AP2A1: variants seen among roughly 807,000 people sequenced by gnomAD.
AP2A1 encodes the protein AP-2 complex subunit alpha-1.
AP2A1 carries 21 observed loss-of-function variants against 107.3 expected under a neutral mutation model. The observed-to-expected ratio is 0.20, with a 90% CI of 0.14 to 0.28. The LOEUF (loss-of-function observed/expected upper bound fraction) is 0.28, where lower values mean the gene tolerates loss of function less well. AP2A1 is among the 10% of genes least tolerant of loss of function. The pLI, the probability that AP2A1 is intolerant of heterozygous loss-of-function variation, is 1.00. For missense variants in AP2A1, 873 were observed against 1,307.7 expected (o/e 0.67, Z 5.13); for synonymous variants, 602 against 564.8 (o/e 1.07, Z -0.93).
Position 49,787,347 on chromosome 19 carries a change from G to GTTTTTTTTT in AP2A1, c.474-4582_474-4581insTTTTTTTTT, listed in dbSNP as rs199550216. On this transcript the variant is annotated intron_variant, in intron 4 of 22. Transcript: ENST00000354293. ...TAGGCTTTTTTTGTTTGTTTTTTTT[G>GTTTTTTTTT]TTTTTTGTTTTTTTTTTTTTGAGGC... is the stretch of plus-strand genomic sequence containing the variant. 1.2e-3 allele frequency among the ~76,000 whole-genome samples: 111 copies of GTTTTTTTTT among 96,184 alleles called. 2 individuals are homozygous for GTTTTTTTTT. The highest frequency in any genetic ancestry group is 2.9e-3 in the African/African-American group (65 of 22,476). 63.1% of individuals were successfully genotyped at this position (96,184 alleles called of 152,430 possible).
chr19:49,806,108 C>A lies in AP2A1; in HGVS notation c.2656-11C>A, dbSNP rs369111617. 11 of 1,567,692 alleles carry A rather than the reference C, an allele frequency of 7.0e-6. No individual in the cohort carries two copies. Among genetic ancestry groups the A allele is most frequent in the South Asian group, 4.6e-5 (4 of 86,562 alleles). On this transcript the variant is annotated splice_polypyrimidine_tract_variant and intron_variant, in intron 21 of 22. Transcript: ENST00000354293. ...TCTGGCACACTCTGACGGCGCCCCCCCTCCTCCCAGCTTCTGGGGTTTGGC... is the reference window on the plus strand; with the variant it reads ...TCTGGCACACTCTGACGGCGCCCCCACTCCTCCCAGCTTCTGGGGTTTGGC...
chr19:49,784,944 A>G (rs2084719733), intron 4 of AP2A1, among the ~76,000 whole-genome samples: 2 of 152,230 alleles, frequency 1.3e-5, no homozygotes, highest in Non-Finnish European at 2.9e-5. Context: ...TTTAGTTAGC[A>G]GAGTAGGCAC....
chr19:49,781,041 T>C (rs2084669194), intron 1 of AP2A1, among the ~76,000 whole-genome samples: 1 of 151,888 alleles, frequency 6.6e-6, no homozygotes. Context: ...TCCAGTCGGA[T>C]TGTGCTCTGA....
intron 1 of AP2A1, among the ~76,000 whole-genome samples, chr19:49,774,849 G>T (rs937337919): frequency 6.6e-6 from 1 of 151,702 alleles, no homozygotes; most frequent in African/African-American, 2.4e-5. Flanking sequence ...AACCCAGGAG[G>T]TGGAGGTTGC....
Position 49,801,990 on chromosome 19 carries a change from TCGC to T in AP2A1, c.1965_1967del (p.Pro656del). The T allele has an allele frequency of 6.6e-7, 1 of 1,519,448 alleles. No homozygotes were observed. Among genetic ancestry groups the T allele is most frequent in the East Asian group, 2.4e-5 (1 of 41,996 alleles). The allele number at this position is 1,519,448 out of a possible 1,614,324, so 94.1% of individuals were successfully genotyped here. A position where few individuals can be genotyped will look rare whatever the true frequency, so the allele number is the denominator to read the frequency against. On this transcript the variant is annotated inframe_deletion, in exon 15 of 23. Coordinates refer to ENST00000354293, the MANE Select transcript of AP2A1 (RefSeq NM_130787.3). ...CCTGCGCTTCCTACAGTCGACGCCCTCGCCCTCCGCCGACCTCCTGGGGCTGCG... is the reference window on the plus strand; with the variant it reads ...CCTGCGCTTCCTACAGTCGACGCCCTCCTCCGCCGACCTCCTGGGGCTGCG...
intron 4 of AP2A1, among the ~76,000 whole-genome samples, chr19:49,787,338 G>GTTTTTTTTTTT (rs1418425703): frequency 2.2e-5 from 2 of 89,730 alleles, no homozygotes; most frequent in African/African-American, 4.9e-5. Flanking sequence ...TTTTTTGTTT[G>GTTTTTTTTTTT]TTTTTTTTGT....
chr19:49,767,373 G>T (rs1007236899), intron 1 of AP2A1, among the ~76,000 whole-genome samples, 173 bp downstream of exon 1: 2 of 152,124 alleles, frequency 1.3e-5, no homozygotes, highest in Non-Finnish European at 2.9e-5. Context: ...GGGGCTTGGG[G>T]TGTCATAGAG....
chr19:49,777,956 TA>T (rs1186947840), intron 1 of AP2A1, among the ~76,000 whole-genome samples: 2 of 151,932 alleles, frequency 1.3e-5, no homozygotes, highest in Non-Finnish European at 2.9e-5. Context: ...CTATATATTA[TA>T]GATATAATAA....
intron 7 of AP2A1, among the ~76,000 whole-genome samples, chr19:49,798,540 C>A (rs1335962332): frequency 6.6e-6 from 1 of 152,172 alleles, no homozygotes; most frequent in Non-Finnish European, 1.5e-5. Context: ...CCACCTCTTG[C>A]CCGAGAGGGT....
At chr19:49,776,259 C>T (rs1265645594) in intron 1 of AP2A1, among the ~76,000 whole-genome samples, 1 of 152,054 alleles carries the variant, frequency 6.6e-6, no homozygotes, top group Non-Finnish European at 1.5e-5. Flanking sequence ...CCTGCCTTGC[C>T]TCATGCTGTC....
intron 6 of AP2A1, among the ~76,000 whole-genome samples, chr19:49,793,951 G>C (rs1316845805): frequency 7.9e-6 from 1 of 125,798 alleles, no homozygotes; most frequent in Non-Finnish European, 1.6e-5. Flanking sequence ...TCTGTCCCCA[G>C]GCTGGAGTGC....
chr19:49,805,241 T>C, intron 18 of AP2A1: 1 of 531,234 alleles, frequency 1.9e-6, no homozygotes, highest in Middle Eastern at 4.9e-4. Flanking sequence ...GGTGTGACAT[T>C]GTGGAAGGCC....
rs779584717 is a variant in AP2A1 at position 49,807,065 on chromosome 19, A to C, written c.*307A>C. ...TTGTAGCCCCTCCTACCCCCTCCCCATCCAGGGGCTGTGTATTATTGTGAG... is the reference window on the plus strand; with the variant it reads ...TTGTAGCCCCTCCTACCCCCTCCCCCTCCAGGGGCTGTGTATTATTGTGAG... On this transcript the variant is annotated 3_prime_UTR_variant, in exon 23 of 23. Transcript: ENST00000354293. 333 of 991,622 alleles carry C rather than the reference A, an allele frequency of 3.4e-4. 2 individuals are homozygous for C. The highest frequency in any genetic ancestry group is 4.0e-4 in the Non-Finnish European group (299 of 743,872). The allele number at this position is 991,622 out of a possible 1,614,324, so 61.4% of individuals were successfully genotyped here.
At chr19:49,772,604 T>C (rs1362200428) in intron 1 of AP2A1, among the ~76,000 whole-genome samples, 2 of 151,830 alleles carry the variant, frequency 1.3e-5, no homozygotes, top group Non-Finnish European at 2.9e-5. Flanking sequence ...CATGCCATTC[T>C]CCTGCCTCAG....
intron 1 of AP2A1, among the ~76,000 whole-genome samples, chr19:49,772,092 C>CT (rs769469203): frequency 1.2e-4 from 18 of 152,172 alleles, no homozygotes; most frequent in Non-Finnish European, 2.6e-4. Flanking sequence ...GAGTCTGGCT[C>CT]TGTCATCCCG....
chr19:49,806,653 G>A, intron 22 of AP2A1, 28 bp from the exon 23 acceptor site: 1 of 1,611,696 alleles, frequency 6.2e-7, no homozygotes. Context: ...CATCTCCTCT[G>A]AGTTCTGCCC....
Position 49,801,443 on chromosome 19 carries a change from C to T in AP2A1, c.1607C>T (p.Ala536Val). ...LHSKFHLCSV[A>V]TRALLLSTYI... ...TCCAAGTTCCATCTGTGCAGCGTGGCCACGCGGGCGCTGCTGCTGTCCACC... is the reference window on the plus strand; with the variant it reads ...TCCAAGTTCCATCTGTGCAGCGTGGTCACGCGGGCGCTGCTGCTGTCCACC... Residue 536 changes from alanine (A) to valine (V), a missense_variant, in exon 13 of 23, where the codon GCC becomes GTC. Physicochemically the swap from Ala to Val is moderately conservative, Grantham distance 64. Coordinates refer to ENST00000354293, the MANE Select transcript of AP2A1 (RefSeq NM_130787.3). 1 of 1,613,844 alleles carries T rather than the reference C, an allele frequency of 6.2e-7. No individual in the cohort carries two copies. Among genetic ancestry groups the T allele is most frequent in the Non-Finnish European group, 8.5e-7 (1 of 1,179,856 alleles).
rs867475895 is a variant in AP2A1 at position 49,801,726 on chromosome 19, C to T, written c.1790C>T (p.Thr597Met). 3 of 1,562,084 alleles carry T rather than the reference C, an allele frequency of 1.9e-6. No individual in the cohort carries two copies. Among genetic ancestry groups the T allele is most frequent in the African/African-American group, 2.7e-5 (2 of 73,362 alleles). The change falls in exon 14 of 23, where the codon ACG (threonine) becomes ATG (methionine). Residue 597 changes from threonine to methionine, a missense_variant. Thr to Met is a moderately conservative substitution (Grantham distance 81). This residue lies in a region of AP2A1 where 213 missense variants were observed against 443.5 expected (regional missense o/e 0.48). Coordinates refer to ENST00000354293, the MANE Select transcript of AP2A1 (RefSeq NM_130787.3). ...SSVASTDVLA[T>M]VLEEMPPFPE... ...TCCCCACCCCGACCGCGCCAGGCCA[C>T]GGTGCTGGAGGAGATGCCGCCCTTC...
chr19:49,792,903 A>G, intron 5 of AP2A1, 88 bp from the exon 6 acceptor site: 1 of 1,161,684 alleles, frequency 8.6e-7, no homozygotes, highest in Non-Finnish European at 1.2e-6. Context: ...GACTGCACAC[A>G]CATCCCGACC....
Sources: gnomAD v4.1 joint callset for allele counts (sites outside exome capture counted in the v4.1 genomes callset) on GRCh38, gnomAD v4.1.1 for gene constraint, gnomAD v4.1.1 regional missense constraint, MANE v1.5 for transcripts, NCBI Gene and HGNC (gene_info 2026-07-23, HGNC 2026-07-21) for gene names.